Variants in PRKAR1A observed in about 807,000 individuals in gnomAD.
PRKAR1A encodes cAMP-dependent protein kinase type I-alpha regulatory subunit.
Under a neutral mutation model 52.0 loss-of-function variants are expected in PRKAR1A, and 3 were observed. The observed-to-expected ratio is 0.06, with a 90% CI of 0.03 to 0.15. The LOEUF is 0.15. PRKAR1A is among the 10% of genes least tolerant of loss of function. The pLI is 1.00. For synonymous variants in PRKAR1A, 188 were observed against 168.4 expected, an observed-to-expected ratio of 1.12 and a Z score of -0.90; for missense variants, 240 against 477.4, an observed-to-expected ratio of 0.50 and a Z score of 4.63.
chr17:68,548,359 G>A lies in PRKAR1A; in HGVS notation c.974-2725G>A, dbSNP rs192891538. On this transcript the variant is annotated intron_variant, in intron 11 of 11. Coordinates refer to the PRKAR1A transcript ENST00000585981. ...AGCCTGGCCAACACGGTGAAACCCCGTCTCTACTAAAAATGCAAAAATTAG... is the reference window on the plus strand; with the variant it reads ...AGCCTGGCCAACACGGTGAAACCCCATCTCTACTAAAAATGCAAAAATTAG... Among the ~76,000 whole-genome samples the A allele has an allele frequency of 4.4e-3, 675 of 152,212 alleles. 3 individuals carry two copies. The highest frequency in any genetic ancestry group is 5.4e-3 in the Non-Finnish European group (367 of 68,004).
At chr17:68,526,038 C>A in intron 7 of PRKAR1A, 126 bp downstream of exon 7, 2 of 1,218,890 alleles carry the variant, frequency 1.6e-6, no homozygotes, top group South Asian at 1.3e-5. Flanking sequence ...TTTTAATAAG[C>A]GAATATTTTT....
chr17:68,541,239 G>T, intron 11 of PRKAR1A: 2 of 438,790 alleles, frequency 4.6e-6, no homozygotes, highest in Non-Finnish European at 4.2e-6. Flanking sequence ...GAAAGGAGGA[G>T]GTAGTGACCC....
chr17:68,489,262 G>A, the PRKAR1A span, among the ~76,000 whole-genome samples: 1 of 11,244 alleles, frequency 8.9e-5, no homozygotes, highest in Non-Finnish European at 1.5e-4. Context: ...TATATATATG[G>A]AAAGTATATA....
downstream of PRKAR1A, among the ~76,000 whole-genome samples, chr17:68,533,634 C>T (rs1568709225): frequency 6.6e-6 from 1 of 152,156 alleles, no homozygotes; most frequent in Non-Finnish European, 1.5e-5. Flanking sequence ...TAGGCCCTGG[C>T]AGTGTATGTT....
chr17:68,473,891 G>C, the PRKAR1A span, among the ~76,000 whole-genome samples: 2 of 152,182 alleles, frequency 1.3e-5, no homozygotes, highest in Non-Finnish European at 2.9e-5. Context: ...TGATTTCCAA[G>C]TCTCTTCTCA....
the PRKAR1A span, among the ~76,000 whole-genome samples, chr17:68,479,017 C>T: frequency 5.3e-5 from 8 of 152,310 alleles, no homozygotes; most frequent in African/African-American, 1.9e-4. Context: ...CATAAGCCAC[C>T]GCGCCCAGCC....
chr17:68,540,698 C>G, intron 11 of PRKAR1A: 1 of 969,504 alleles, frequency 1.0e-6, no homozygotes, highest in South Asian at 1.4e-5. Context: ...ACCTTCTGTC[C>G]TCTGGGACCT....
chr17:68,476,512 C>G, the PRKAR1A span, among the ~76,000 whole-genome samples: 1 of 152,156 alleles, frequency 6.6e-6, no homozygotes, highest in South Asian at 2.1e-4. Flanking sequence ...TGTGGCCACT[C>G]AGCTTTCCTC....
chr17:68,511,373 T>C (rs530629082), upstream of PRKAR1A, among the ~76,000 whole-genome samples: 9 of 152,236 alleles, frequency 5.9e-5, no homozygotes, highest in East Asian at 1.9e-4. Context: ...TCTTCCTCCT[T>C]AGACAGATAC....
chr17:68,508,223 A>G (rs558742013), upstream of PRKAR1A, among the ~76,000 whole-genome samples: 7 of 152,308 alleles, frequency 4.6e-5, no homozygotes, highest in South Asian at 1.5e-3. Context: ...TCATAAAGAC[A>G]CATGCATGCT....
At chr17:68,486,275 A>C in the PRKAR1A span, among the ~76,000 whole-genome samples, 1 of 152,088 alleles carries the variant, frequency 6.6e-6, no homozygotes, top group Non-Finnish European at 1.5e-5. Flanking sequence ...TGTTCTATGA[A>C]GTGATTGGGC....
the PRKAR1A span, among the ~76,000 whole-genome samples, chr17:68,488,255 A>G: frequency 1.3e-5 from 2 of 152,132 alleles, no homozygotes; most frequent in African/African-American, 2.4e-5. Context: ...GGCTGGAGAA[A>G]GGTGGGAGCA....
At chr17:68,430,173 G>A in the PRKAR1A span, 1 of 1,607,528 alleles carries the variant, frequency 6.2e-7, no homozygotes, top group Admixed American at 1.7e-5. Context: ...AGGGAGTAAT[G>A]CACAGGCAAC....
chr17:68,484,864 TA>T, the PRKAR1A span, among the ~76,000 whole-genome samples: 2 of 152,272 alleles, frequency 1.3e-5, no homozygotes, highest in African/African-American at 4.8e-5. Flanking sequence ...GTCATGAAAA[TA>T]AAAGTGGGGA....
the PRKAR1A span, chr17:68,441,238 A>C: frequency 6.6e-6 from 1 of 152,266 alleles, no homozygotes; most frequent in Admixed American, 6.5e-5. Context: ...TAAAGGAAAC[A>C]GCCTGCAATC....
intron 1 of PRKAR1A, chr17:68,515,107 C>G (rs1014938658): frequency 2.3e-6 from 1 of 426,558 alleles, no homozygotes; most frequent in Non-Finnish European, 4.3e-6. Context: ...CTTCAGCACC[C>G]GTCTCTGCAG....
At chr17:68,508,202 A>C (rs1399573927), upstream of PRKAR1A, among the ~76,000 whole-genome samples, 1 of 152,194 alleles carries the variant, frequency 6.6e-6, no homozygotes, top group Non-Finnish European at 1.5e-5. Context: ...AAAGAAATAC[A>C]AATCATTGTA....
the PRKAR1A span, chr17:68,440,910 A>C: frequency 6.6e-6 from 1 of 152,256 alleles, no homozygotes; most frequent in Non-Finnish European, 1.5e-5. Flanking sequence ...AAAAATAGAA[A>C]GACATCTTCT....
At chr17:68,476,745 C>T in the PRKAR1A span, among the ~76,000 whole-genome samples, 1 of 152,030 alleles carries the variant, frequency 6.6e-6, no homozygotes, top group Admixed American at 6.6e-5. Context: ...TCACTGCAAC[C>T]TCTGCCTCCT....
Sources: gnomAD v4.1 joint callset for allele counts (sites outside exome capture counted in the v4.1 genomes callset) on GRCh38, gnomAD v4.1.1 for gene constraint, MANE v1.5 for transcripts, NCBI Gene and HGNC (gene_info 2026-07-23, HGNC 2026-07-21) for gene names.